Variants in NRG3 observed in about 807,000 individuals in gnomAD.
NRG3 encodes pro-neuregulin-3, membrane-bound isoform.
Under a neutral mutation model 66.9 loss-of-function variants are expected in NRG3, and 31 were observed. The ratio of observed to expected loss-of-function variants is 0.46; its 90% CI spans 0.35 to 0.63. NRG3 has a LOEUF of 0.63. Among genes scored for constraint, NRG3 ranks in the 20% least tolerant of loss-of-function variants. NRG3 has a pLI of 0.00. For missense variants in NRG3, 910 were observed against 878.9 expected (o/e 1.04, Z -0.45); for synonymous variants, 393 against 359.4 (o/e 1.09, Z -1.06).
intron 1 of NRG3, among the ~76,000 whole-genome samples, chr10:82,073,996 A>G: frequency 6.6e-6 from 1 of 152,088 alleles, no homozygotes; most frequent in East Asian, 1.9e-4. Context: ...GTAAACGAGT[A>G]TATTTTTGTG....
intron 1 of NRG3, among the ~76,000 whole-genome samples, chr10:82,273,150 A>G (rs2078685029): frequency 6.6e-6 from 1 of 151,714 alleles, no homozygotes; most frequent in African/African-American, 2.4e-5. Context: ...GTATCTACAT[A>G]TTTTTTCAAG....
chr10:82,500,404 C>A lies in NRG3; in HGVS notation c.953+141536C>A, dbSNP rs527652577. On this transcript the variant is annotated intron_variant, in intron 2 of 8. Coordinates refer to ENST00000372141, the MANE Select transcript of NRG3 (RefSeq NM_001010848.4). ...ATTGCATATACTTGGCAAGTCCACC[C>A]AAACCTATCTCTTTAATATCCATGG... Among the ~76,000 whole-genome samples the A allele has an allele frequency of 2.8e-3, 431 of 152,296 alleles. 3 individuals carry two copies. Among genetic ancestry groups the A allele is most frequent in the African/African-American group, 9.6e-3 (400 of 41,556 alleles).
rs565959078 is a variant in NRG3, at chr10:81,940,283, G to T, written c.823+64120G>T. 7.9e-5 allele frequency among the ~76,000 whole-genome samples: 12 copies of T among 152,202 alleles called. No individual in the cohort carries two copies. The South Asian group carries it at 2.5e-3, about 32-fold the overall frequency. On this transcript the variant is annotated intron_variant, in intron 1 of 8. Coordinates refer to ENST00000372141, the MANE Select transcript of NRG3 (RefSeq NM_001010848.4). ...CCTCTGTATATGTCTCTTGGGTCCAGTTGGTTTGCAGTGTTGTTCACATCC... is the reference window on the plus strand; with the variant it reads ...CCTCTGTATATGTCTCTTGGGTCCATTTGGTTTGCAGTGTTGTTCACATCC...
At chr10:82,182,062 G>T (rs1564638453) in intron 1 of NRG3, among the ~76,000 whole-genome samples, 1 of 151,126 alleles carries the variant, frequency 6.6e-6, no homozygotes, top group Non-Finnish European at 1.5e-5. Flanking sequence ...TATAAGTATG[G>T]CCATCCTGCT....
At chr10:82,925,773 A>G (rs1923561) in intron 4 of NRG3, among the ~76,000 whole-genome samples, 71,738 of 152,074 alleles carry the variant, frequency 0.47, 17,871 homozygotes, top group East Asian at 0.65. Context: ...CAGTGAGAAT[A>G]CATATATCTG....
intron 2 of NRG3, among the ~76,000 whole-genome samples, chr10:82,597,688 C>T (rs1219026775): frequency 2.0e-5 from 3 of 152,080 alleles, no homozygotes; most frequent in South Asian, 2.1e-4. Context: ...TTTGGGAGGC[C>T]GAGGCGGGTG....
At chr10:82,557,918 A>G (rs1019210197) in intron 2 of NRG3, among the ~76,000 whole-genome samples, 1 of 152,148 alleles carries the variant, frequency 6.6e-6, no homozygotes, top group Non-Finnish European at 1.5e-5. Flanking sequence ...AAATCCTTGA[A>G]GTCACCAGCT....
rs1401655215 is a variant in NRG3, at chr10:82,914,952, A to G, written c.1055-36517A>G. Among the ~76,000 whole-genome samples the G allele has an allele frequency of 2.6e-5, 4 of 152,140 alleles. No individual in the cohort carries two copies. In the East Asian group the frequency reaches 7.7e-4, roughly 29 times the overall value. ...AACATTCTGAGTATATTTTAAATGA[A>G]AACTTTTTCTTTTCCCCTGCCAGAT... is the stretch of plus-strand genomic sequence containing the variant. On this transcript the variant is annotated intron_variant, in intron 4 of 8. Coordinates refer to ENST00000372141, the MANE Select transcript of NRG3 (RefSeq NM_001010848.4).
intron 2 of NRG3, among the ~76,000 whole-genome samples, chr10:82,479,819 T>A (rs1049572202): frequency 6.6e-6 from 1 of 151,050 alleles, no homozygotes; most frequent in African/African-American, 2.4e-5. Flanking sequence ...CACAAAAAAA[T>A]TAGCGGGGCG....
At chr10:82,123,860 A>G (rs2068252310) in intron 1 of NRG3, among the ~76,000 whole-genome samples, 2 of 150,016 alleles carry the variant, frequency 1.3e-5, no homozygotes, top group South Asian at 2.1e-4. Flanking sequence ...GAAGGCAGCA[A>G]TTGGCATTAG....
chr10:82,656,100 C>T (rs1369553591), intron 2 of NRG3, among the ~76,000 whole-genome samples: 7 of 152,068 alleles, frequency 4.6e-5, no homozygotes, highest in African/African-American at 1.7e-4. Flanking sequence ...ATGCAGAAGG[C>T]AGGTGCAATT....
intron 1 of NRG3, among the ~76,000 whole-genome samples, chr10:81,889,879 C>T (rs1294506262): frequency 6.6e-6 from 1 of 152,110 alleles, no homozygotes; most frequent in African/African-American, 2.4e-5. Context: ...AGCATCAAAT[C>T]CAAATCTGTG....
chr10:82,963,007 G>A (rs1850820482), intron 6 of NRG3, among the ~76,000 whole-genome samples: 1 of 152,184 alleles, frequency 6.6e-6, no homozygotes, highest in Admixed American at 6.5e-5. Context: ...ACAAACAGAA[G>A]AAGTGGTTCC....
At chr10:82,447,786 A>G (rs1175831678) in intron 2 of NRG3, among the ~76,000 whole-genome samples, 3 of 152,216 alleles carry the variant, frequency 2.0e-5, no homozygotes, top group Non-Finnish European at 2.9e-5. Context: ...GCTCCTCTGC[A>G]TGTGGTATTC....
chr10:82,767,554 T>C (rs1367147572), intron 3 of NRG3, among the ~76,000 whole-genome samples: 1 of 152,044 alleles, frequency 6.6e-6, no homozygotes, highest in Non-Finnish European at 1.5e-5. Flanking sequence ...ACATTTTATT[T>C]TTTCTTTTCT....
intron 1 of NRG3, among the ~76,000 whole-genome samples, chr10:81,909,640 A>G (rs561570433): frequency 1.3e-5 from 2 of 152,272 alleles, no homozygotes; most frequent in South Asian, 2.1e-4. Context: ...AGGCCTATTG[A>G]TGATGTCTTA....
At chr10:82,639,598 T>A (rs887278472) in intron 2 of NRG3, among the ~76,000 whole-genome samples, 1 of 152,206 alleles carries the variant, frequency 6.6e-6, no homozygotes, top group South Asian at 2.1e-4. Context: ...CTAATTTTCA[T>A]TGAAATTTTT....
At chr10:82,714,065 C>T (rs1298495847) in intron 2 of NRG3, among the ~76,000 whole-genome samples, 1 of 152,198 alleles carries the variant, frequency 6.6e-6, no homozygotes, top group Admixed American at 6.5e-5. Flanking sequence ...TCACCTTTAA[C>T]TTATGATAAC....
intron 2 of NRG3, among the ~76,000 whole-genome samples, chr10:82,674,361 T>A (rs1300874113): frequency 4.6e-5 from 7 of 152,194 alleles, no homozygotes; most frequent in Non-Finnish European, 8.8e-5. Context: ...ACAATGGCTC[T>A]CAGTTGTCAG....
Sources: gnomAD v4.1 joint callset for allele counts (sites outside exome capture counted in the v4.1 genomes callset) on GRCh38, gnomAD v4.1.1 for gene constraint, MANE v1.5 for transcripts, NCBI Gene and HGNC (gene_info 2026-07-23, HGNC 2026-07-21) for gene names.